The following BBS2 variants were observed in gnomAD, a reference collection of about 807,000 sequenced individuals.
BBS2 encodes Bardet-Biedl syndrome 2.
BBS2 carries 62 observed loss-of-function variants against 83.0 expected under a neutral mutation model. The observed-to-expected ratio is 0.75, with a 90% CI of 0.61 to 0.92. The LOEUF (loss-of-function observed/expected upper bound fraction) is 0.92. BBS2 is among the 40% of genes least tolerant of loss of function. The probability of loss-of-function intolerance (pLI) is 0.00; values close to 1 mark genes in which losing one functional copy is unlikely to be tolerated. For synonymous variants in BBS2, 303 were observed against 326.1 expected, an observed-to-expected ratio of 0.93 and a Z score of 0.76; for missense variants, 784 against 901.0, an observed-to-expected ratio of 0.87 and a Z score of 1.66.
chr16:56,472,137 ATT>A (rs111574935), intron 17 of BBS2, among the ~76,000 whole-genome samples: 2 of 144,138 alleles, frequency 1.4e-5, no homozygotes, highest in Admixed American at 7.0e-5. Flanking sequence ...AATTTTCTTG[ATT>A]TTTTTTTTTT....
At chr16:56,485,247 G>A (rs1003997006) in intron 16 of BBS2, among the ~76,000 whole-genome samples, 1 of 152,020 alleles carries the variant, frequency 6.6e-6, no homozygotes, top group Non-Finnish European at 1.5e-5. Flanking sequence ...TAGACACTTA[G>A]CATTAATTTT....
intron 17 of BBS2, chr16:56,476,106 G>A (rs1963462359): frequency 1.2e-6 from 2 of 1,613,944 alleles, no homozygotes; most frequent in Non-Finnish European, 8.5e-7. Context: ...GAGAGACTCT[G>A]AAATTTGTCA....
intron 2 of BBS2, 48 bp from the exon 3 acceptor site, chr16:56,511,332 G>A: frequency 6.2e-7 from 1 of 1,610,200 alleles, no homozygotes; most frequent in African/African-American, 1.3e-5. Flanking sequence ...TAATATGCAG[G>A]CCCACATATT....
chr16:56,514,412 A>C (rs369047598), intron 2 of BBS2, 41 bp downstream of exon 2: 1 of 1,557,304 alleles, frequency 6.4e-7, no homozygotes, highest in Non-Finnish European at 8.9e-7. Flanking sequence ...ATGGACATTA[A>C]TGAGTAATGA....
chr16:56,493,577 G>GA (rs1397755215), intron 15 of BBS2, among the ~76,000 whole-genome samples: 2 of 152,032 alleles, frequency 1.3e-5, no homozygotes, highest in Non-Finnish European at 2.9e-5. Flanking sequence ...TGGAAAGTTA[G>GA]ACTTTTCCGT....
At chr16:56,473,703 AT>A (rs1226175104) in intron 17 of BBS2, among the ~76,000 whole-genome samples, 28 of 134,514 alleles carry the variant, frequency 2.1e-4, no homozygotes, top group Admixed American at 7.3e-4. Context: ...TGGTTACTTG[AT>A]TTTTTTTTTT....
At chr16:56,510,319 C>A (rs1261492877) in intron 4 of BBS2, among the ~76,000 whole-genome samples, 1 of 152,156 alleles carries the variant, frequency 6.6e-6, no homozygotes, top group African/African-American at 2.4e-5. Flanking sequence ...CCTGGATCAG[C>A]AACTTTCTCT....
intron 17 of BBS2, chr16:56,478,490 T>C (rs1242330280): frequency 6.6e-6 from 1 of 152,214 alleles, no homozygotes; most frequent in Non-Finnish European, 1.5e-5. Context: ...CTAAAGGTCA[T>C]CTCACTCACT....
Position 56,519,791 on chromosome 16 carries a change from G to A in BBS2, c.72C>T (p.Tyr24=). The change falls in exon 1 of 17, where the codon TAC becomes TAT. Residue 24 remains tyrosine, a synonymous_variant. Transcript: ENST00000245157. ...CCGCCAGGCACGGGTGAGTCCCGTC[G>A]TAGCGCCCTATGGCCACCATTCGGG... ...ISPRMVAIGR[Y]DGTHPCLAAA... 6.2e-7 allele frequency: 1 copy of A among 1,613,764 alleles called. No individual in the cohort carries two copies. Among genetic ancestry groups the A allele is most frequent in the Non-Finnish European group, 8.5e-7 (1 of 1,179,820 alleles).
rs1964565857 is a variant in BBS2, at chr16:56,511,156, T to C, written c.471+3A>G. 1 of 1,614,046 alleles carries C rather than the reference T, an allele frequency of 6.2e-7. No individual in the cohort carries two copies. The highest frequency in any genetic ancestry group is 1.7e-5 in the Admixed American group (1 of 60,028). The stretch of plus-strand genomic sequence containing the variant: ...ACCAAAAAGAATGTTTTCTTCTTCA[T>C]ACCGTCCAAAAGAGATCACTTCCTT... On this transcript the variant is annotated splice_donor_region_variant and intron_variant, in intron 3 of 16. Coordinates refer to ENST00000245157, the MANE Select transcript of BBS2 (RefSeq NM_031885.5).
chr16:56,518,692 A>C (rs1285824023), intron 1 of BBS2, among the ~76,000 whole-genome samples: 7 of 100,470 alleles, frequency 7.0e-5, no homozygotes, highest in African/African-American at 2.2e-4. Context: ...TAGCGTTGTC[A>C]CTACATTCCA....
At chr16:56,512,133 C>G (rs182305145) in intron 2 of BBS2, among the ~76,000 whole-genome samples, 16 of 152,172 alleles carry the variant, frequency 1.1e-4, no homozygotes, top group Non-Finnish European at 1.9e-4. Flanking sequence ...CAAAATGAAA[C>G]CACACCTAAG....
At chr16:56,517,610 T>G (rs895835763) in intron 1 of BBS2, among the ~76,000 whole-genome samples, 12 of 152,226 alleles carry the variant, frequency 7.9e-5, no homozygotes, top group African/African-American at 2.9e-4. Context: ...AACTACCTGG[T>G]TCCCCCTCTC....
intron 12 of BBS2, chr16:56,498,799 T>A: frequency 1.7e-6 from 2 of 1,156,178 alleles, no homozygotes; most frequent in Non-Finnish European, 2.4e-6. Context: ...TGCTCTTAAG[T>A]AACATTCATA....
intron 15 of BBS2, among the ~76,000 whole-genome samples, chr16:56,492,069 A>C (rs750543970): frequency 2.0e-5 from 3 of 151,512 alleles, no homozygotes; most frequent in Non-Finnish European, 2.9e-5. Flanking sequence ...TAAAAATTTA[A>C]ATTTTTAATT....
At chr16:56,475,997 A>C in intron 17 of BBS2, 7 of 1,523,594 alleles carry the variant, frequency 4.6e-6, no homozygotes, top group Non-Finnish European at 6.3e-6. Context: ...CCAAGATTTG[A>C]GAATAAGTTC....
In BBS2 at chr16:56,519,745, C is replaced by T. The variant is rs1964866367; in HGVS notation, c.117+1G>A. 6.2e-7 allele frequency: 1 copy of T among 1,612,322 alleles called. No individual in the cohort carries two copies. The highest frequency in any genetic ancestry group is 8.5e-7 in the Non-Finnish European group (1 of 1,178,872). On this transcript the variant is annotated splice_donor_variant, in intron 1 of 16. Transcript: ENST00000245157. LOFTEE classifies it high-confidence loss of function. The stretch of plus-strand genomic sequence containing the variant: ...GGCTCCCTGCGGGTGGGAGCGGTTA[C>T]CTTGCCCGTTTGGGTGGCGGCCGCC...
intron 2 of BBS2, among the ~76,000 whole-genome samples, chr16:56,511,827 T>C (rs991873577): frequency 6.6e-6 from 1 of 152,310 alleles, no homozygotes; most frequent in African/African-American, 2.4e-5. Flanking sequence ...GAAAAAGTCC[T>C]AACCACTAAA....
chr16:56,510,024 C>T lies in BBS2; in HGVS notation c.545G>A (p.Gly182Glu). ...DGDGKKELLV[G>E]SEDFDIRVFK... The stretch of plus-strand genomic sequence containing the variant: ...AACTCGGATATCAAAATCCTCAGAT[C>T]CAACAAGAAGCTGAAGGGGAAATAT... Residue 182 changes from glycine (G) to glutamate (E), a missense_variant, in exon 5 of 17, where the codon GGA becomes GAA. Coordinates refer to ENST00000245157, the MANE Select transcript of BBS2 (RefSeq NM_031885.5). 6.2e-7 allele frequency: 1 copy of T among 1,614,050 alleles called. No homozygotes were observed. Among genetic ancestry groups the T allele is most frequent in the Non-Finnish European group, 8.5e-7 (1 of 1,179,960 alleles).
Sources: gnomAD v4.1 joint callset for allele counts (sites outside exome capture counted in the v4.1 genomes callset) on GRCh38, gnomAD v4.1.1 for gene constraint, MANE v1.5 for transcripts, NCBI Gene and HGNC (gene_info 2026-07-23, HGNC 2026-07-21) for gene names.